Variants in LRP1B observed in about 807,000 individuals in gnomAD.
The protein encoded by LRP1B is LDL receptor related protein 1B.
LRP1B carries 217 observed loss-of-function variants against 556.6 expected under a neutral mutation model. That is an observed-to-expected ratio of 0.39 (90% confidence interval 0.35 to 0.44). The LOEUF (loss-of-function observed/expected upper bound fraction) is 0.44, where lower values mean the gene tolerates loss of function less well. LRP1B is among the 20% of genes least tolerant of loss of function. The probability of loss-of-function intolerance (pLI) is 1.00; values close to 1 mark genes in which losing one functional copy is unlikely to be tolerated. For synonymous variants in LRP1B, 2,047 were observed against 1,865.8 expected (o/e 1.10, Z -2.50); for missense variants, 5,053 against 5,620.8 (o/e 0.90, Z 3.23).
chr2:142,088,285 T>C (rs1706020634), intron 1 of LRP1B, among the ~76,000 whole-genome samples: 2 of 152,196 alleles, frequency 1.3e-5, no homozygotes, highest in Non-Finnish European at 2.9e-5. Flanking sequence ...ATTAAATAGT[T>C]ATTTCTTTCT....
In LRP1B at chr2:141,890,373, AGTG is replaced by A. The variant is rs374171854; in HGVS notation, c.83-79975_83-79973del. Among the ~76,000 whole-genome samples, 61 of 59,226 alleles carry A rather than the reference AGTG, an allele frequency of 1.0e-3. 2 individuals are homozygous for A. The highest frequency in any genetic ancestry group is 2.1e-3 in the African/African-American group (54 of 25,644). 38.9% of individuals were successfully genotyped at this position (59,226 alleles called of 152,430 possible). ...ATATGTATTGTGCATATATATATAT[AGTG>A]TGTATACATATATAGTGTATATATA... On this transcript the variant is annotated intron_variant, in intron 1 of 90. Coordinates refer to ENST00000389484, the MANE Select transcript of LRP1B (RefSeq NM_018557.3).
At chr2:140,285,026 G>GTGTATATATATATATATATA (rs1553439389) in intron 84 of LRP1B, among the ~76,000 whole-genome samples, 7 of 144,616 alleles carry the variant, frequency 4.8e-5, no homozygotes, top group African/African-American at 1.8e-4. Flanking sequence ...GTGTGTGTGT[G>GTGTATATATATATATATATA]TATATATATA....
At chr2:140,822,468 G>A (rs1314365031) in intron 31 of LRP1B, among the ~76,000 whole-genome samples, 1 of 152,144 alleles carries the variant, frequency 6.6e-6, no homozygotes, top group Non-Finnish European at 1.5e-5. Context: ...CAGCAAACAA[G>A]CAAGCGAAGT....
At chr2:140,435,730 A>G (rs1156836316) in intron 66 of LRP1B, among the ~76,000 whole-genome samples, 1 of 152,126 alleles carries the variant, frequency 6.6e-6, no homozygotes, top group Non-Finnish European at 1.5e-5. Flanking sequence ...TGGAGAGTCA[A>G]TGCACAAAAG....
At chr2:140,264,652 G>A (rs1558756106) in intron 86 of LRP1B, among the ~76,000 whole-genome samples, 1 of 146,894 alleles carries the variant, frequency 6.8e-6, no homozygotes, top group Non-Finnish European at 1.5e-5. Flanking sequence ...TTCAGGGAGA[G>A]GGAGGCAGAA....
At chr2:141,464,594 A>ATTTTTTTTTTTTTTT (rs1559084708) in intron 3 of LRP1B, among the ~76,000 whole-genome samples, 4 of 34,764 alleles carry the variant, frequency 1.2e-4, no homozygotes, top group African/African-American at 2.5e-4. Flanking sequence ...GTATATATAT[A>ATTTTTTTTTTTTTTT]TATATATATA....
intron 2 of LRP1B, among the ~76,000 whole-genome samples, chr2:141,569,209 T>C (rs1686444139): frequency 6.6e-6 from 1 of 151,056 alleles, no homozygotes; most frequent in Admixed American, 6.6e-5. Flanking sequence ...GTAAATATCA[T>C]ATAAGAGGTA....
chr2:141,815,868 G>C (rs1696528026), intron 1 of LRP1B, among the ~76,000 whole-genome samples: 1 of 151,256 alleles, frequency 6.6e-6, no homozygotes, highest in Admixed American at 6.6e-5. Flanking sequence ...CTTCATGCTT[G>C]AAGTCAGCGA....
chr2:142,012,983 A>G (rs187610731), intron 1 of LRP1B, among the ~76,000 whole-genome samples: 7 of 152,296 alleles, frequency 4.6e-5, no homozygotes, highest in African/African-American at 1.7e-4. Context: ...ATGGAAAGGA[A>G]GGGATTAGAA....
intron 2 of LRP1B, among the ~76,000 whole-genome samples, chr2:141,615,971 C>G (rs999970341): frequency 6.6e-6 from 1 of 152,080 alleles, no homozygotes; most frequent in Admixed American, 6.6e-5. Context: ...AATCAAACTG[C>G]CACCCAAATC....
chr2:142,069,933 G>C (rs908071819), intron 1 of LRP1B, among the ~76,000 whole-genome samples: 1 of 151,742 alleles, frequency 6.6e-6, no homozygotes, highest in African/African-American at 2.4e-5. Context: ...GGATTTTTAT[G>C]ACTGTTTGCT....
chr2:140,858,042 ATGG>A (rs1692671038), intron 27 of LRP1B, among the ~76,000 whole-genome samples: 1 of 152,110 alleles, frequency 6.6e-6, no homozygotes, highest in African/African-American at 2.4e-5. Flanking sequence ...ATCCTTGGAG[ATGG>A]TGGTGATTTT....
At position 141,348,837 on chromosome 2, in the gene LRP1B, G is replaced by C. The variant is rs1360239783; in HGVS notation, c.344-94196C>G. 3.9e-5 allele frequency among the ~76,000 whole-genome samples: 6 copies of C among 152,098 alleles called. No individual in the cohort carries two copies. The East Asian group carries it at 1.2e-3, about 30-fold the overall frequency. Reference sequence around the variant, plus strand: ...CTGGTGGGAAGTAAATGAATCATGGGGGGCAGGTCTTTCCCATGCTCTTCT... The same window carrying C: ...CTGGTGGGAAGTAAATGAATCATGGCGGGCAGGTCTTTCCCATGCTCTTCT... On this transcript the variant is annotated intron_variant, in intron 3 of 90. Coordinates refer to ENST00000389484, the MANE Select transcript of LRP1B (RefSeq NM_018557.3).
At chr2:141,009,938 G>T (rs1697693687) in intron 14 of LRP1B, among the ~76,000 whole-genome samples, 1 of 151,846 alleles carries the variant, frequency 6.6e-6, no homozygotes, top group Admixed American at 6.6e-5. Flanking sequence ...TTTATCCCTG[G>T]CTTACTGTGT....
intron 3 of LRP1B, among the ~76,000 whole-genome samples, chr2:141,345,429 T>G (rs2714217): frequency 0.57 from 86,066 of 151,782 alleles, 25,055 homozygotes; most frequent in Middle Eastern, 0.62. Context: ...ACAATTCTAT[T>G]TTCATTCCTC....
At chr2:141,070,481 A>G (rs1287118072) in intron 7 of LRP1B, among the ~76,000 whole-genome samples, 2 of 152,032 alleles carry the variant, frequency 1.3e-5, no homozygotes, top group African/African-American at 4.8e-5. Context: ...AAAAGCTAGC[A>G]GAAGGCAAGA....
intron 3 of LRP1B, among the ~76,000 whole-genome samples, chr2:141,320,892 G>A (rs1416654014): frequency 6.6e-6 from 1 of 151,902 alleles, no homozygotes; most frequent in Non-Finnish European, 1.5e-5. Flanking sequence ...AATAACAAAG[G>A]CTTTATATAC....
intron 1 of LRP1B, among the ~76,000 whole-genome samples, chr2:141,830,817 TG>T (rs1697089903): frequency 6.6e-6 from 1 of 151,842 alleles, no homozygotes; most frequent in Admixed American, 6.6e-5. Context: ...GACAAGACAC[TG>T]GGTCCCAAAC....
At chr2:140,934,560 G>A (rs1448126810) in intron 20 of LRP1B, among the ~76,000 whole-genome samples, 1 of 152,186 alleles carries the variant, frequency 6.6e-6, no homozygotes, top group East Asian at 1.9e-4. Context: ...TCTTAGCACA[G>A]TCACACCTAT....
Sources: allele counts gnomAD v4.1 joint callset (sites outside exome capture counted in the v4.1 genomes callset), GRCh38; gene constraint gnomAD v4.1.1; transcripts MANE v1.5; gene names NCBI Gene and HGNC (gene_info 2026-07-23, HGNC 2026-07-21).